SPTBN1: variants seen among roughly 807,000 people sequenced by gnomAD.
The protein encoded by SPTBN1 is spectrin beta chain, non-erythrocytic 1.
In SPTBN1, 32 loss-of-function variants were observed where a neutral mutation model predicts 266.4. That is an observed-to-expected ratio of 0.12 (90% CI 0.09 to 0.16). SPTBN1 has a LOEUF of 0.16. SPTBN1 is among the 10% of genes least tolerant of loss of function. The pLI is 1.00. For synonymous variants in SPTBN1, 1,336 were observed against 1,162.2 expected, an observed-to-expected ratio of 1.15 and a Z score of -3.04; for missense variants, 2,296 against 3,067.1, an observed-to-expected ratio of 0.75 and a Z score of 5.94.
At chr2:54,630,149 A>G (rs2103931757) in intron 15 of SPTBN1, 120 bp downstream of exon 15, 2 of 1,304,004 alleles carry the variant, frequency 1.5e-6, no homozygotes, top group Middle Eastern at 2.4e-4. Flanking sequence ...TGCAACACTG[A>G]TGTCATGGCA....
intron 2 of SPTBN1, among the ~76,000 whole-genome samples, chr2:54,596,006 C>T (rs1676059511): frequency 6.6e-6 from 1 of 151,994 alleles, no homozygotes; most frequent in Admixed American, 6.5e-5. Context: ...CCTTTTTGTA[C>T]CTTTTTGTAC....
chr2:54,573,100 T>G (rs912712127), intron 2 of SPTBN1, among the ~76,000 whole-genome samples: 1 of 152,194 alleles, frequency 6.6e-6, no homozygotes, highest in African/African-American at 2.4e-5. Flanking sequence ...GAGCTCATAG[T>G]TGTCTGCAGA....
rs115765281 is a variant in SPTBN1 at position 54,625,096 on chromosome 2, G to C, written c.1341+134G>C. On this transcript the variant is annotated intron_variant, in intron 11 of 35. Coordinates refer to ENST00000356805, the MANE Select transcript of SPTBN1 (RefSeq NM_003128.3). Reference sequence around the variant, plus strand: ...TCTGGAGGAACGTCAGGTCACCTTGGCCCCTTCCCATTAAGAGGATGTTTA... The same window carrying C: ...TCTGGAGGAACGTCAGGTCACCTTGCCCCCTTCCCATTAAGAGGATGTTTA... The C allele has an allele frequency of 2.4e-3, 2,481 of 1,029,662 alleles. 54 individuals carry two copies. In the African/African-American group the frequency reaches 0.037, roughly 15 times the overall value. The allele number at this position is 1,029,662 out of a possible 1,614,324, so 63.8% of individuals were successfully genotyped here.
At chr2:54,569,496 G>A (rs1673909752) in intron 2 of SPTBN1, among the ~76,000 whole-genome samples, 1 of 152,094 alleles carries the variant, frequency 6.6e-6, no homozygotes, top group Non-Finnish European at 1.5e-5. Context: ...ATATATATAA[G>A]CACACACATA....
chr2:54,478,134 A>G (rs1415315470), intron 1 of SPTBN1, among the ~76,000 whole-genome samples: 2 of 152,196 alleles, frequency 1.3e-5, no homozygotes, highest in African/African-American at 2.4e-5. Flanking sequence ...ATCCAGGGAT[A>G]TGACAAACAT....
At chr2:54,564,128 G>A (rs922238277) in intron 2 of SPTBN1, among the ~76,000 whole-genome samples, 3 of 152,072 alleles carry the variant, frequency 2.0e-5, no homozygotes, top group Non-Finnish European at 4.4e-5. Context: ...GGCTGCTCTC[G>A]GTTTTTGTTG....
At chr2:54,581,184 C>T (rs1022236229) in intron 2 of SPTBN1, among the ~76,000 whole-genome samples, 2 of 152,122 alleles carry the variant, frequency 1.3e-5, no homozygotes, top group African/African-American at 4.8e-5. Flanking sequence ...TTGAAATACA[C>T]GTGCATTGTG....
At chr2:54,476,348 T>C (rs1485618723) in intron 1 of SPTBN1, among the ~76,000 whole-genome samples, 2 of 152,228 alleles carry the variant, frequency 1.3e-5, no homozygotes, top group African/African-American at 4.8e-5. Context: ...TAAAAGTTTC[T>C]AACTAAACAT....
chr2:54,568,855 C>T (rs558688094), intron 2 of SPTBN1, among the ~76,000 whole-genome samples: 1 of 152,110 alleles, frequency 6.6e-6, no homozygotes, highest in African/African-American at 2.4e-5. Flanking sequence ...CTATTTTTTT[C>T]AGAAACAAAG....
chr2:54,544,079 C>T (rs1172544940), intron 2 of SPTBN1, among the ~76,000 whole-genome samples: 1 of 152,164 alleles, frequency 6.6e-6, no homozygotes, highest in Non-Finnish European at 1.5e-5. Flanking sequence ...TCTTGGAGAA[C>T]ATTATAGAAC....
rs957923227 is a variant in SPTBN1 at position 54,559,973 on chromosome 2, C to T, written c.148+33407C>T. ...GAAATAGTTGACAGTAATGACACTT[C>T]TCTGGAAAACGAGGCAGAACAGGAC... On this transcript the variant is annotated intron_variant, in intron 2 of 35. Transcript: ENST00000356805. Among the ~76,000 whole-genome samples the T allele has an allele frequency of 3.3e-5, 5 of 152,150 alleles. No homozygotes were observed. The South Asian group carries it at 1.0e-3, about 32-fold the overall frequency.
intron 18 of SPTBN1, among the ~76,000 whole-genome samples, chr2:54,641,987 A>ACGGT (rs1679597089): frequency 6.6e-6 from 1 of 152,230 alleles, no homozygotes; most frequent in South Asian, 2.1e-4. Flanking sequence ...TGGGCTTCTC[A>ACGGT]CGGTCACTCA....
At chr2:54,612,593 C>T (rs1006135181) in intron 4 of SPTBN1, among the ~76,000 whole-genome samples, 2 of 152,190 alleles carry the variant, frequency 1.3e-5, no homozygotes, top group African/African-American at 4.8e-5. Context: ...GGCCCAGGGG[C>T]TTCTAGGCTG....
intron 7 of SPTBN1, among the ~76,000 whole-genome samples, chr2:54,620,673 G>A (rs1677933147): frequency 6.6e-6 from 1 of 152,156 alleles, no homozygotes; most frequent in African/African-American, 2.4e-5. Context: ...GGAATACAGT[G>A]TTTGAGAGGT....
At chr2:54,473,675 C>T (rs952704831) in intron 1 of SPTBN1, among the ~76,000 whole-genome samples, 18 of 152,174 alleles carry the variant, frequency 1.2e-4, no homozygotes, top group African/African-American at 4.1e-4. Context: ...CACCTCCCAC[C>T]ATCTATTAAT....
chr2:54,617,944 C>T (rs72806633), intron 6 of SPTBN1, 134 bp from the exon 7 acceptor site: 9,309 of 732,316 alleles, frequency 0.013, 80 homozygotes, highest in Middle Eastern at 0.031. Flanking sequence ...TTTGATGATT[C>T]CATGATAGTA....
chr2:54,471,637 A>G (rs1162635341), intron 1 of SPTBN1, among the ~76,000 whole-genome samples: 1 of 152,136 alleles, frequency 6.6e-6, no homozygotes, highest in Non-Finnish European at 1.5e-5. Flanking sequence ...GTGTTGGAGA[A>G]CTGCCAAGAG....
chr2:54,567,276 G>A (rs34094680), intron 2 of SPTBN1, among the ~76,000 whole-genome samples: 23,411 of 152,184 alleles, frequency 0.15, 1,888 homozygotes, highest in Middle Eastern at 0.19. Context: ...AGGATGCAAG[G>A]CCCTGTTAGG....
intron 35 of SPTBN1, 81 bp from the exon 36 acceptor site, chr2:54,668,270 G>A (rs1475875789): frequency 7.2e-6 from 10 of 1,396,366 alleles, no homozygotes; most frequent in Non-Finnish European, 8.0e-6. Context: ...TTGGCCAGAT[G>A]CGCCATTCCC....
Sources: allele counts gnomAD v4.1 joint callset (sites outside exome capture counted in the v4.1 genomes callset), GRCh38; gene constraint gnomAD v4.1.1; transcripts MANE v1.5; gene names NCBI Gene and HGNC (gene_info 2026-07-23, HGNC 2026-07-21).